Variants in ZNF804B observed in about 807,000 individuals in gnomAD.
ZNF804B encodes the protein zinc finger 804B.
A neutral mutation model predicts 101.4 loss-of-function variants in ZNF804B; 80 were observed. That is an observed-to-expected ratio of 0.79 (90% CI 0.66 to 0.95). ZNF804B has a LOEUF of 0.95. Ranked by LOEUF, ZNF804B falls within the 40% of genes least tolerant of loss-of-function variation. The pLI, the probability that ZNF804B is intolerant of heterozygous loss-of-function variation, is 0.00. For missense variants in ZNF804B, 1,673 were observed against 1,561.9 expected, an observed-to-expected ratio of 1.07 and a Z score of -1.20; for synonymous variants, 622 against 558.8, an observed-to-expected ratio of 1.11 and a Z score of -1.59.
At chr7:89,070,446 A>T (rs1280926504) in intron 1 of ZNF804B, among the ~76,000 whole-genome samples, 2 of 152,130 alleles carry the variant, frequency 1.3e-5, no homozygotes, top group African/African-American at 4.8e-5. Context: ...GAATGATGTA[A>T]TAACACTGGA....
chr7:89,276,098 T>C (rs2115852441), intron 2 of ZNF804B, among the ~76,000 whole-genome samples: 1 of 151,848 alleles, frequency 6.6e-6, no homozygotes, highest in East Asian at 1.9e-4. Flanking sequence ...TATTTTCATG[T>C]ATAAGTGGGA....
intron 1 of ZNF804B, among the ~76,000 whole-genome samples, chr7:89,132,510 T>G (rs1450069010): frequency 6.6e-6 from 1 of 151,968 alleles, no homozygotes; most frequent in Non-Finnish European, 1.5e-5. Context: ...AGGAGCCAGA[T>G]TTACCTGAGA....
rs530440490 is a variant in ZNF804B at position 89,229,681 on chromosome 7, T to C, written c.249+11386T>C. On this transcript the variant is annotated intron_variant, in intron 2 of 3. Coordinates refer to ENST00000333190, the MANE Select transcript of ZNF804B (RefSeq NM_181646.5). The stretch of plus-strand genomic sequence containing the variant: ...AGCAGGCATAAAATCAGTAAGAACA[T>C]AGTTGAACTGAACAGTTACATCAAT... 2.0e-5 allele frequency among the ~76,000 whole-genome samples: 3 copies of C among 152,332 alleles called. No individual in the cohort carries two copies. In the South Asian group the frequency reaches 6.2e-4, roughly 32 times the overall value.
chr7:88,996,021 A>G (rs1342495364), intron 1 of ZNF804B, among the ~76,000 whole-genome samples: 1 of 152,082 alleles, frequency 6.6e-6, no homozygotes, highest in African/African-American at 2.4e-5. Flanking sequence ...CATGGCAGCT[A>G]AACATAGTGT....
At chr7:89,003,494 C>G (rs1226275642) in intron 1 of ZNF804B, among the ~76,000 whole-genome samples, 2 of 151,932 alleles carry the variant, frequency 1.3e-5, no homozygotes, top group Non-Finnish European at 2.9e-5. Flanking sequence ...AAACCTTTTA[C>G]TTGCAGTTCC....
chr7:89,322,011 T>C (rs757403839), intron 2 of ZNF804B, among the ~76,000 whole-genome samples: 3 of 152,188 alleles, frequency 2.0e-5, no homozygotes, highest in Non-Finnish European at 4.4e-5. Flanking sequence ...ATAGCAATTC[T>C]AAATTCCTGA....
intron 1 of ZNF804B, among the ~76,000 whole-genome samples, chr7:88,987,967 A>G (rs572196569): frequency 6.6e-6 from 1 of 151,964 alleles, no homozygotes; most frequent in African/African-American, 2.4e-5. Flanking sequence ...CCATAAAATC[A>G]TCCCTCCTCC....
intron 1 of ZNF804B, among the ~76,000 whole-genome samples, chr7:89,180,150 T>G (rs544781163): frequency 2.8e-4 from 42 of 152,224 alleles, no homozygotes; most frequent in Non-Finnish European, 5.6e-4. Context: ...TGACTATTGC[T>G]TAGCTACCAT....
intron 1 of ZNF804B, among the ~76,000 whole-genome samples, chr7:89,207,679 A>G (rs1469096846): frequency 6.6e-6 from 1 of 152,242 alleles, no homozygotes; most frequent in East Asian, 1.9e-4. Context: ...ATGAGTTTTT[A>G]TACCACCATA....
chr7:88,992,984 TATTTA>T (rs2116156861), intron 1 of ZNF804B, among the ~76,000 whole-genome samples: 1 of 152,132 alleles, frequency 6.6e-6, no homozygotes, highest in African/African-American at 2.4e-5. Flanking sequence ...TTATTTGTTG[TATTTA>T]ATTATGAGTG....
chr7:89,190,478 CT>C (rs1337633524), intron 1 of ZNF804B, among the ~76,000 whole-genome samples: 1 of 152,002 alleles, frequency 6.6e-6, no homozygotes, highest in Non-Finnish European at 1.5e-5. Flanking sequence ...CTTGACATGC[CT>C]GAAATGAATC....
At chr7:88,962,833 G>GT (rs990901675) in intron 1 of ZNF804B, among the ~76,000 whole-genome samples, 4 of 147,246 alleles carry the variant, frequency 2.7e-5, no homozygotes, top group Admixed American at 1.4e-4. Flanking sequence ...TAGCTTAGTA[G>GT]TTTTTTTCTG....
intron 1 of ZNF804B, among the ~76,000 whole-genome samples, chr7:88,998,391 T>C (rs1358440785): frequency 7.9e-5 from 12 of 151,846 alleles, no homozygotes; most frequent in Non-Finnish European, 1.5e-4. Flanking sequence ...ATAAATGACA[T>C]TGGAAGAAAG....
chr7:89,320,696 T>C (rs1790805274), intron 2 of ZNF804B, among the ~76,000 whole-genome samples: 2 of 151,944 alleles, frequency 1.3e-5, no homozygotes, highest in East Asian at 1.9e-4. Flanking sequence ...AGGACAGATA[T>C]AATGAAAAAC....
At chr7:89,031,086 G>A (rs918040447) in intron 1 of ZNF804B, among the ~76,000 whole-genome samples, 6 of 151,952 alleles carry the variant, frequency 3.9e-5, no homozygotes, top group South Asian at 2.1e-4. Flanking sequence ...GAGTTGATGC[G>A]TGCAGCAAAC....
intron 1 of ZNF804B, among the ~76,000 whole-genome samples, chr7:89,031,264 C>T (rs1178780635): frequency 4.0e-5 from 6 of 150,680 alleles, no homozygotes; most frequent in African/African-American, 1.2e-4. Context: ...CAGACATTTC[C>T]TCTTCTGTAA....
intron 1 of ZNF804B, among the ~76,000 whole-genome samples, chr7:89,085,902 G>C (rs979171577): frequency 6.6e-6 from 1 of 151,922 alleles, no homozygotes; most frequent in Non-Finnish European, 1.5e-5. Context: ...AAATATAATA[G>C]AGTGATATTT....
At chr7:89,327,890 T>C (rs1424766262) in intron 3 of ZNF804B, among the ~76,000 whole-genome samples, 3 of 152,118 alleles carry the variant, frequency 2.0e-5, no homozygotes, top group East Asian at 3.9e-4. Context: ...AACACGATCA[T>C]TGTCTGGCTG....
At chr7:89,258,170 T>G (rs542381561) in intron 2 of ZNF804B, among the ~76,000 whole-genome samples, 1 of 152,232 alleles carries the variant, frequency 6.6e-6, no homozygotes, top group Non-Finnish European at 1.5e-5. Context: ...TTAGGTATTA[T>G]AAATATCTGG....
Sources: allele counts gnomAD v4.1 joint callset (sites outside exome capture counted in the v4.1 genomes callset), GRCh38; gene constraint gnomAD v4.1.1; transcripts MANE v1.5; gene names NCBI Gene and HGNC (gene_info 2026-07-23, HGNC 2026-07-21).